PRKAR1A: variants seen among roughly 807,000 people sequenced by gnomAD.
PRKAR1A encodes the protein protein kinase cAMP-dependent type I regulatory subunit alpha, also known as cAMP-dependent protein kinase type I-alpha regulatory subunit.
A neutral mutation model predicts 52.0 loss-of-function variants in PRKAR1A; 3 were observed. That is an observed-to-expected ratio of 0.06 (90% CI 0.03 to 0.15). The LOEUF (loss-of-function observed/expected upper bound fraction) is 0.15, where lower values mean the gene tolerates loss of function less well. Among genes scored for constraint, PRKAR1A ranks in the 10% least tolerant of loss-of-function variants. PRKAR1A has a pLI of 1.00. For missense variants in PRKAR1A, 240 were observed against 477.4 expected (o/e 0.50, Z 4.63); for synonymous variants, 188 against 168.4 (o/e 1.12, Z -0.90).
intron 2 of PRKAR1A, among the ~76,000 whole-genome samples, chr17:68,518,470 A>C (rs1229885125): frequency 6.6e-6 from 1 of 152,202 alleles, no homozygotes; most frequent in Non-Finnish European, 1.5e-5. Context: ...CACCACTTGT[A>C]AGCCACCAGG....
the PRKAR1A span, chr17:68,430,148 C>G: frequency 6.2e-7 from 1 of 1,613,002 alleles, no homozygotes; most frequent in Non-Finnish European, 8.5e-7. Flanking sequence ...AGGTCGAAGG[C>G]TCTTCTGGTC....
At chr17:68,446,205 G>A in the PRKAR1A span, among the ~76,000 whole-genome samples, 1 of 151,574 alleles carries the variant, frequency 6.6e-6, no homozygotes, top group East Asian at 1.9e-4. Context: ...TTTTCAGACA[G>A]GGTCTCGTTC....
chr17:68,434,323 A>AT, the PRKAR1A span, among the ~76,000 whole-genome samples: 1 of 152,134 alleles, frequency 6.6e-6, no homozygotes, highest in Admixed American at 6.6e-5. Context: ...CCGCCCACAC[A>AT]CACATCAAAA....
At chr17:68,506,348 T>A in the PRKAR1A span, among the ~76,000 whole-genome samples, 1 of 152,148 alleles carries the variant, frequency 6.6e-6, no homozygotes, top group Non-Finnish European at 1.5e-5. Context: ...CAGACACCTT[T>A]TTTTGGCTGG....
the PRKAR1A span, chr17:68,424,598 G>A: frequency 1.7e-5 from 8 of 478,674 alleles, no homozygotes; most frequent in South Asian, 3.3e-5. Context: ...ACTTCCGGCC[G>A]GGTGCGGCGG....
At chr17:68,466,604 G>A in the PRKAR1A span, among the ~76,000 whole-genome samples, 1 of 151,502 alleles carries the variant, frequency 6.6e-6, no homozygotes, top group Non-Finnish European at 1.5e-5. Flanking sequence ...TAGAGACAGG[G>A]TTTTGCCATG....
the PRKAR1A span, among the ~76,000 whole-genome samples, chr17:68,435,105 G>A: frequency 2.0e-5 from 3 of 151,932 alleles, no homozygotes; most frequent in African/African-American, 7.3e-5. Flanking sequence ...TACTCGGGAG[G>A]CTGAGGCAGG....
the PRKAR1A span, chr17:68,457,522 C>G: frequency 3.3e-6 from 2 of 614,312 alleles, no homozygotes; most frequent in Non-Finnish European, 4.0e-6. Context: ...TCCTGCCCCG[C>G]CCCTACCCCG....
the PRKAR1A span, among the ~76,000 whole-genome samples, chr17:68,436,015 A>G: frequency 6.6e-6 from 1 of 152,222 alleles, no homozygotes; most frequent in Non-Finnish European, 1.5e-5. Flanking sequence ...GCAACTTCCC[A>G]CAGCAATCTT....
the PRKAR1A span, among the ~76,000 whole-genome samples, chr17:68,486,509 CT>C: frequency 2.3e-5 from 1 of 43,380 alleles, no homozygotes; most frequent in African/African-American, 8.4e-5. Flanking sequence ...TTCCTTCCTT[CT>C]TTCTTTCTTT....
chr17:68,530,263 T>C lies in PRKAR1A; in HGVS notation c.974-14T>C. ...CATAGAAGTTAGCCTGTTACCCATC[T>C]TTGCTTTCTCCAGGTGAAATTGCAC... is the stretch of plus-strand genomic sequence containing the variant. On this transcript the variant is annotated splice_polypyrimidine_tract_variant and intron_variant, in intron 10 of 10. Transcript: ENST00000589228. 1 of 1,614,010 alleles carries C rather than the reference T, an allele frequency of 6.2e-7. No homozygotes were observed. The highest frequency in any genetic ancestry group is 8.5e-7 in the Non-Finnish European group (1 of 1,179,866).
chr17:68,486,506 C>CTTCCTTCCTTCCTTCCTTCCCTCTTTCT, the PRKAR1A span, among the ~76,000 whole-genome samples: 49 of 48,258 alleles, frequency 1.0e-3, 1 homozygote, highest in African/African-American at 2.5e-3. Context: ...TCCTTCCTTC[C>CTTCCTTCCTTCCTTCCTTCCCTCTTTCT]TTCTTTCTTT....
Position 68,529,783 on chromosome 17 carries a change from TGTG to T in PRKAR1A, c.892-133_892-131del. 1.1e-5 allele frequency: 9 copies of T among 836,156 alleles called. No individual in the cohort carries two copies. The South Asian group carries it at 1.2e-4, about 11-fold the overall frequency. 51.8% of individuals were successfully genotyped at this position (836,156 alleles called of 1,614,324 possible). ...CTGGTAAAATAGAAATTGAAGCTCA[TGTG>T]GTGACTAACTTTAAAGTCATTTTTT... On this transcript the variant is annotated intron_variant, in intron 9 of 10. Coordinates refer to ENST00000589228, the MANE Select transcript of PRKAR1A (RefSeq NM_002734.5).
At chr17:68,436,508 G>A in the PRKAR1A span, 6 of 1,603,176 alleles carry the variant, frequency 3.7e-6, no homozygotes, top group East Asian at 2.2e-5. Flanking sequence ...AACATGAGAA[G>A]CCTGGGGCCA....
chr17:68,465,154 C>T, the PRKAR1A span, among the ~76,000 whole-genome samples: 1 of 151,894 alleles, frequency 6.6e-6, no homozygotes, highest in Non-Finnish European at 1.5e-5. Flanking sequence ...GGATGGTCTC[C>T]ATCACCTGAC....
At chr17:68,417,181 C>G in the PRKAR1A span, among the ~76,000 whole-genome samples, 1 of 152,062 alleles carries the variant, frequency 6.6e-6, no homozygotes, top group African/African-American at 2.4e-5. Flanking sequence ...TTAGTCTATC[C>G]CTTCCCTCCC....
the PRKAR1A span, among the ~76,000 whole-genome samples, chr17:68,419,676 T>A: frequency 7.2e-5 from 11 of 152,296 alleles, no homozygotes; most frequent in African/African-American, 2.6e-4. Flanking sequence ...CAAATCATTT[T>A]AGTGTGGCTG....
the PRKAR1A span, among the ~76,000 whole-genome samples, chr17:68,442,855 C>T: frequency 6.6e-6 from 1 of 152,198 alleles, no homozygotes; most frequent in African/African-American, 2.4e-5. Flanking sequence ...TTGAAGGGAA[C>T]TCGTGACAAC....
At chr17:68,424,858 C>G in the PRKAR1A span, among the ~76,000 whole-genome samples, 40 of 152,342 alleles carry the variant, frequency 2.6e-4, no homozygotes, top group East Asian at 7.1e-3. Flanking sequence ...GCCTGGGTGA[C>G]AGAGCAAGAC....
Sources: allele counts gnomAD v4.1 joint callset (sites outside exome capture counted in the v4.1 genomes callset), GRCh38; gene constraint gnomAD v4.1.1; transcripts MANE v1.5; gene names NCBI Gene and HGNC (gene_info 2026-07-23, HGNC 2026-07-21).